The following SHKBP1 variants were observed in gnomAD, a reference collection of about 807,000 sequenced individuals.
SHKBP1 encodes SH3KBP1-binding protein 1.
A neutral mutation model predicts 83.9 loss-of-function variants in SHKBP1; 71 were observed. The observed-to-expected ratio is 0.85, with a 90% CI of 0.70 to 1.03. The LOEUF is 1.03. SHKBP1 is among the 50% of genes least tolerant of loss of function. SHKBP1 has a pLI of 0.00. For missense variants in SHKBP1, 824 were observed against 982.4 expected (o/e 0.84, Z 2.16); for synonymous variants, 371 against 398.0 (o/e 0.93, Z 0.81).
chr19:40,583,867 C>G (rs420490), intron 12 of SHKBP1, 150 bp downstream of exon 12: 316,878 of 639,782 alleles, frequency 0.5, 80,923 homozygotes, highest in African/African-American at 0.64. Context: ...CTGAGACAGA[C>G]TCTCATTCTG....
At chr19:40,581,366 T>C (rs749813153) in intron 9 of SHKBP1, among the ~76,000 whole-genome samples, 12 of 151,636 alleles carry the variant, frequency 7.9e-5, no homozygotes, top group Non-Finnish European at 1.6e-4. Flanking sequence ...TACAAAAAAA[T>C]TAGCTGGGTG....
intron 15 of SHKBP1, 139 bp downstream of exon 15, chr19:40,589,317 C>T (rs949393787): frequency 1.2e-5 from 10 of 853,452 alleles, no homozygotes; most frequent in Non-Finnish European, 1.9e-5. Flanking sequence ...GGAGCAAAGG[C>T]TGGGAGGGAG....
intron 15 of SHKBP1, 59 bp downstream of exon 15, chr19:40,589,237 T>A (rs2081337258): frequency 7.7e-6 from 11 of 1,429,814 alleles, no homozygotes; most frequent in Non-Finnish European, 9.6e-6. Context: ...GGGAGGGAGG[T>A]CAGGGGAGAA....
intron 6 of SHKBP1, among the ~76,000 whole-genome samples, chr19:40,578,876 A>G (rs2081244910): frequency 6.6e-6 from 1 of 152,090 alleles, no homozygotes; most frequent in South Asian, 2.1e-4. Context: ...ATTGACAGTA[A>G]TGCCCATGAT....
chr19:40,587,270 C>T (rs400195), intron 13 of SHKBP1, among the ~76,000 whole-genome samples: 1 of 152,198 alleles, frequency 6.6e-6, no homozygotes, highest in East Asian at 1.9e-4. Flanking sequence ...ATTCTAGCAG[C>T]GATGGCAGAC....
Position 40,583,590 on chromosome 19 carries a change from G to A in SHKBP1, c.1049-11G>A. 3.8e-6 allele frequency: 6 copies of A among 1,584,418 alleles called. No individual in the cohort carries two copies. The highest frequency in any genetic ancestry group is 2.6e-6 in the Non-Finnish European group (3 of 1,153,346). On this transcript the variant is annotated splice_polypyrimidine_tract_variant and intron_variant, in intron 11 of 17. Transcript: ENST00000291842. ...GGAACAAACCCGCTCCACCCTCCCT[G>A]CCCACCCCAGATGTGCAGAAGTTCC...
At chr19:40,582,585 C>A in intron 10 of SHKBP1, 119 bp downstream of exon 10, 3 of 796,540 alleles carry the variant, frequency 3.8e-6, no homozygotes, top group Non-Finnish European at 5.9e-6. Context: ...GCCAGAGAAC[C>A]AGCAGCTGGC....
At chr19:40,580,963 C>T (rs1014744365) in intron 9 of SHKBP1, 27 bp downstream of exon 9, 18 of 1,505,212 alleles carry the variant, frequency 1.2e-5, no homozygotes, top group Non-Finnish European at 1.6e-5. Flanking sequence ...TTTCCAGAAC[C>T]CTCTGTCCTT....
chr19:40,580,968 G>C, intron 9 of SHKBP1, 32 bp downstream of exon 9: 2 of 1,501,248 alleles, frequency 1.3e-6, no homozygotes, highest in Non-Finnish European at 1.8e-6. Flanking sequence ...AGAACCCTCT[G>C]TCCTTTAAAT....
In SHKBP1 at chr19:40,590,840, A is replaced by G. The variant is rs749858192; in HGVS notation, c.1879A>G (p.Ile627Val). Residue 627 changes from isoleucine (I) to valine (V), a missense_variant, in exon 17 of 18, where the codon ATC (isoleucine) becomes GTC (valine). By Grantham distance (29) the Ile-to-Val change is conservative (BLOSUM62 3). This residue lies in a region of SHKBP1 where 287 missense variants were observed against 322.9 expected (regional missense o/e 0.89). Transcript: ENST00000291842. The surrounding 1 kb of genome is among the most constrained non-coding windows in gnomAD (Gnocchi z 4.6). ...CTGTCTCCCCAGCCCCTCACCCCGC[A>G]TCTCCCTCACCAGGTAGCCACAACT... is the stretch of plus-strand genomic sequence containing the variant. ...WGCLPSPSPRISLTSLHSASS... is the reference protein window; with the variant it reads ...WGCLPSPSPRVSLTSLHSASS... The G allele has an allele frequency of 6.3e-7, 1 of 1,584,104 alleles. No homozygotes were observed. Among genetic ancestry groups the G allele is most frequent in the South Asian group, 1.1e-5 (1 of 88,714 alleles).
chr19:40,590,964 T>C lies in SHKBP1; in HGVS notation c.1893-12T>C. On this transcript the variant is annotated splice_polypyrimidine_tract_variant and intron_variant, in intron 17 of 17. Transcript: ENST00000291842. The surrounding 1 kb of genome is among the most constrained non-coding windows in gnomAD (Gnocchi z 4.6). ...CCGTGATGACGTGCACTTACTGTCC[T>C]TACTTCCTCAGCCTCCACTCAGCCT... 1 of 1,596,876 alleles carries C rather than the reference T, an allele frequency of 6.3e-7. No homozygotes were observed. Among genetic ancestry groups the C allele is most frequent in the Non-Finnish European group, 8.6e-7 (1 of 1,166,878 alleles).
chr19:40,588,609 C>T lies in SHKBP1; in HGVS notation c.1337-15C>T, dbSNP rs577582468. ...TGCACCAGGCCTGACTTCCTGCTCT[C>T]CTTGTGCCCCTCAGTCTGTGCCGAC... On this transcript the variant is annotated splice_polypyrimidine_tract_variant and intron_variant, in intron 13 of 17. Transcript: ENST00000291842. The T allele has an allele frequency of 3.7e-6, 6 of 1,614,126 alleles. No homozygotes were observed. In the Admixed American group the frequency reaches 6.7e-5, roughly 18 times the overall value.
rs763334638 is a variant in SHKBP1, at chr19:40,591,233, G to C, written c.*26G>C. The C allele has an allele frequency of 6.5e-7, 1 of 1,545,574 alleles. No homozygotes were observed. Among genetic ancestry groups the C allele is most frequent in the Non-Finnish European group, 8.8e-7 (1 of 1,136,070 alleles). On this transcript the variant is annotated 3_prime_UTR_variant, in exon 18 of 18. Coordinates refer to ENST00000291842, the MANE Select transcript of SHKBP1 (RefSeq NM_138392.4). ...ACAACGCAGCTGCCATGATGCCTTG[G>C]GATGCCCTGGTCCTGGGGGACTCAG...
In SHKBP1 at chr19:40,590,074, G is replaced by A. The variant is rs996950338; in HGVS notation, c.1590-170G>A. On this transcript the variant is annotated intron_variant, in intron 15 of 17. Transcript: ENST00000291842. The surrounding 1 kb of genome is among the most constrained non-coding windows in gnomAD (Gnocchi z 4.6). Reference sequence around the variant, plus strand: ...AGACTCCCTGGGTGTTTGGGGCTGCGGTGTCCAAGAGCTGCTGGACCCTTG... The same window carrying A: ...AGACTCCCTGGGTGTTTGGGGCTGCAGTGTCCAAGAGCTGCTGGACCCTTG... 62 of 689,476 alleles carry A rather than the reference G, an allele frequency of 9.0e-5. No individual in the cohort carries two copies. The highest frequency in any genetic ancestry group is 8.0e-4 in the Middle Eastern group (2 of 2,494). 42.7% of individuals were successfully genotyped at this position (689,476 alleles called of 1,614,324 possible).
At position 40,589,197 on chromosome 19, in the gene SHKBP1, AACAGGGAGGGAGG is replaced by A; in HGVS notation, c.1589+24_1589+36del. On this transcript the variant is annotated intron_variant, in intron 15 of 17. Transcript: ENST00000291842. ...GGCAGCGGTGAGGACAGTCCTGTCCAACAGGGAGGGAGGACAGTCCTGTCCAACAGGGAGGGAG... is the reference window on the plus strand; with the variant it reads ...GGCAGCGGTGAGGACAGTCCTGTCCAACAGTCCTGTCCAACAGGGAGGGAG... 1.8e-6 allele frequency: 1 copy of A among 571,408 alleles called. No individual in the cohort carries two copies. Among genetic ancestry groups the A allele is most frequent in the South Asian group, 4.1e-5 (1 of 24,462 alleles). The allele number at this position is 571,408 out of a possible 1,614,324, so 35.4% of individuals were successfully genotyped here.
intron 9 of SHKBP1, among the ~76,000 whole-genome samples, chr19:40,581,728 A>G: frequency 6.6e-6 from 1 of 152,130 alleles, no homozygotes; most frequent in East Asian, 1.9e-4. Flanking sequence ...TCAAAGCCAC[A>G]GCAACAAATC....
Position 40,590,725 on chromosome 19 carries a change from C to A in SHKBP1, c.1769-5C>A. 1 of 1,583,342 alleles carries A rather than the reference C, an allele frequency of 6.3e-7. No homozygotes were observed. The stretch of plus-strand genomic sequence containing the variant: ...GCCCCCTGACCCTGCTTCCGTGCCC[C>A]CCAGCAGGTGGCCTGACGGAGCAAG... On this transcript the variant is annotated splice_polypyrimidine_tract_variant and splice_region_variant and intron_variant, in intron 16 of 17. Coordinates refer to ENST00000291842, the MANE Select transcript of SHKBP1 (RefSeq NM_138392.4). The surrounding 1 kb of genome is among the most constrained non-coding windows in gnomAD (Gnocchi z 4.6).
intron 15 of SHKBP1, 62 bp downstream of exon 15, chr19:40,589,240 G>A: frequency 2.8e-6 from 4 of 1,438,956 alleles, no homozygotes; most frequent in East Asian, 2.4e-5. Flanking sequence ...AGGGAGGTCA[G>A]GGGAGAAGGC....
At position 40,591,278 on chromosome 19, in the gene SHKBP1, G is replaced by A; in HGVS notation, c.*71G>A. On this transcript the variant is annotated 3_prime_UTR_variant, in exon 18 of 18. Coordinates refer to ENST00000291842, the MANE Select transcript of SHKBP1 (RefSeq NM_138392.4). ...ACTCAGGTGCCTCCCTGATTCCTGT[G>A]GGAACCCCGGGTTCAGGGCCAGGGC... 7.4e-7 allele frequency: 1 copy of A among 1,359,726 alleles called. No individual in the cohort carries two copies. Among genetic ancestry groups the A allele is most frequent in the Non-Finnish European group, 9.9e-7 (1 of 1,005,770 alleles). 84.2% of individuals were successfully genotyped at this position (1,359,726 alleles called of 1,614,324 possible). A position where few individuals can be genotyped will look rare whatever the true frequency, so the allele number is the denominator to read the frequency against.
Sources: gnomAD v4.1 joint callset for allele counts (sites outside exome capture counted in the v4.1 genomes callset) on GRCh38, gnomAD v4.1.1 for gene constraint, gnomAD v4.1.1 regional missense constraint, Gnocchi (gnomAD v3.1) non-coding constraint, MANE v1.5 for transcripts, NCBI Gene and HGNC (gene_info 2026-07-23, HGNC 2026-07-21) for gene names.